Variants in ASIC2 observed in about 807,000 individuals in gnomAD.
The protein encoded by ASIC2 is acid sensing ion channel subunit 2.
Under a neutral mutation model 57.3 loss-of-function variants are expected in ASIC2, and 25 were observed. That is an observed-to-expected ratio of 0.44 (90% CI 0.32 to 0.61). The LOEUF is 0.61. Ranked by LOEUF, ASIC2 falls within the 20% of genes least tolerant of loss-of-function variation. The probability of loss-of-function intolerance (pLI) is 0.06; values close to 1 mark genes in which losing one functional copy is unlikely to be tolerated. For missense variants in ASIC2, 641 were observed against 738.1 expected, an observed-to-expected ratio of 0.87 and a Z score of 1.52; for synonymous variants, 319 against 307.5, an observed-to-expected ratio of 1.04 and a Z score of -0.39.
chr17:33,176,693 TG>T (rs1356327788), intron 1 of ASIC2, among the ~76,000 whole-genome samples: 1 of 152,244 alleles, frequency 6.6e-6, no homozygotes, highest in Non-Finnish European at 1.5e-5. Flanking sequence ...CATTTGATTT[TG>T]ATGACAATTC....
intron 1 of ASIC2, among the ~76,000 whole-genome samples, chr17:33,944,814 C>T (rs986964215): frequency 2.0e-5 from 3 of 152,178 alleles, no homozygotes; most frequent in Non-Finnish European, 2.9e-5. Flanking sequence ...GGCCATGATC[C>T]GTGCCTCCAG....
chr17:33,192,000 C>A (rs1416324843), intron 1 of ASIC2, among the ~76,000 whole-genome samples: 1 of 152,134 alleles, frequency 6.6e-6, no homozygotes, highest in Admixed American at 6.5e-5. Context: ...GAAAACAGAT[C>A]TTTCTGTTTT....
chr17:33,586,801 A>C (rs1904652444), intron 1 of ASIC2, among the ~76,000 whole-genome samples: 1 of 152,150 alleles, frequency 6.6e-6, no homozygotes, highest in Non-Finnish European at 1.5e-5. Flanking sequence ...CCATCACATC[A>C]TGCTACTTAC....
At chr17:33,799,448 TTC>T (rs879537015) in intron 1 of ASIC2, among the ~76,000 whole-genome samples, 31 of 95,316 alleles carry the variant, frequency 3.3e-4, no homozygotes, top group Non-Finnish European at 5.5e-4. Context: ...CTTTCTTTCT[TTC>T]TTTCTTTCTT....
intron 1 of ASIC2, among the ~76,000 whole-genome samples, chr17:33,200,446 G>A (rs1171419745): frequency 6.6e-6 from 1 of 152,150 alleles, no homozygotes; most frequent in Non-Finnish European, 1.5e-5. Flanking sequence ...ATCTCACTCG[G>A]ATGTTCAAGC....
Position 33,013,985 on chromosome 17 carries a change from A to G in ASIC2, c.1672T>C (p.Leu558=), listed in dbSNP as rs1036617415. The part of the protein sequence containing the change: ...NVPLQTTLGT[L]EEIAC ...GGGTGTCAGCAGGCAATCTCCTCCA[A>G]GGTCCCCAGGGTCGTCTGCAGGGGC... Residue 558 remains leucine, a synonymous_variant, in exon 10 of 10, where the codon TTG becomes CTG. Coordinates refer to ENST00000225823, the MANE Select transcript of ASIC2 (RefSeq NM_183377.2). 41 of 1,598,358 alleles carry G rather than the reference A, an allele frequency of 2.6e-5. No homozygotes were observed. The highest frequency in any genetic ancestry group is 3.5e-5 in the Non-Finnish European group (41 of 1,172,028).
chr17:33,227,787 G>T (rs1333702349), intron 1 of ASIC2, among the ~76,000 whole-genome samples: 1 of 152,202 alleles, frequency 6.6e-6, no homozygotes, highest in Non-Finnish European at 1.5e-5. Flanking sequence ...AAAGGTGTTA[G>T]ACAATTTGCT....
At chr17:33,181,517 T>C (rs1905982862) in intron 1 of ASIC2, among the ~76,000 whole-genome samples, 1 of 151,622 alleles carries the variant, frequency 6.6e-6, no homozygotes, top group African/African-American at 2.4e-5. Flanking sequence ...CTAGGGAGAG[T>C]CCATCTTTAC....
At chr17:33,314,959 A>G (rs1906583298) in intron 1 of ASIC2, among the ~76,000 whole-genome samples, 1 of 152,146 alleles carries the variant, frequency 6.6e-6, no homozygotes, top group Admixed American at 6.6e-5. Flanking sequence ...TTTCAAAGGG[A>G]TTAAGGAAAT....
At chr17:33,652,539 A>G (rs1307464806) in intron 1 of ASIC2, among the ~76,000 whole-genome samples, 1 of 152,228 alleles carries the variant, frequency 6.6e-6, no homozygotes, top group Non-Finnish European at 1.5e-5. Context: ...TTTCCTGCAT[A>G]AAGTCACACG....
chr17:33,874,539 G>C (rs1302942942), intron 1 of ASIC2, among the ~76,000 whole-genome samples: 2 of 152,218 alleles, frequency 1.3e-5, no homozygotes, highest in African/African-American at 4.8e-5. Flanking sequence ...TCGAGCCCCA[G>C]TTCTGATAAT....
At chr17:33,579,601 C>G (rs188840684) in intron 1 of ASIC2, among the ~76,000 whole-genome samples, 1 of 151,764 alleles carries the variant, frequency 6.6e-6, no homozygotes, top group Non-Finnish European at 1.5e-5. Context: ...GATGGTGTGT[C>G]GGGAGTTTGT....
chr17:33,384,662 G>A (rs879664019), intron 1 of ASIC2, among the ~76,000 whole-genome samples: 17 of 152,196 alleles, frequency 1.1e-4, no homozygotes, highest in Admixed American at 1.1e-3. Context: ...GCGGATTATT[G>A]ACCTTGGAAG....
At chr17:33,149,678 T>C (rs2142027701) in intron 1 of ASIC2, among the ~76,000 whole-genome samples, 1 of 152,340 alleles carries the variant, frequency 6.6e-6, no homozygotes, top group South Asian at 2.1e-4. Context: ...CTCAGCAGCA[T>C]TTGACTTAAA....
intron 1 of ASIC2, among the ~76,000 whole-genome samples, chr17:33,817,840 G>T (rs569861738): frequency 6.6e-6 from 1 of 152,280 alleles, no homozygotes; most frequent in African/African-American, 2.4e-5. Context: ...GAAGCCTGGG[G>T]CTAGAGTTCT....
chr17:33,780,972 A>G (rs1430315926), intron 1 of ASIC2, among the ~76,000 whole-genome samples: 1 of 152,196 alleles, frequency 6.6e-6, no homozygotes, highest in Non-Finnish European at 1.5e-5. Flanking sequence ...ATGTGTGTGA[A>G]CAGCTTGGCA....
intron 1 of ASIC2, among the ~76,000 whole-genome samples, chr17:33,487,250 G>A (rs951954130): frequency 2.6e-5 from 4 of 152,072 alleles, no homozygotes; most frequent in African/African-American, 9.7e-5. Flanking sequence ...TGGGCATCCC[G>A]AGTCCTCCAG....
At chr17:33,564,665 C>T (rs1466528661) in intron 1 of ASIC2, among the ~76,000 whole-genome samples, 2 of 152,222 alleles carry the variant, frequency 1.3e-5, no homozygotes, top group East Asian at 3.9e-4. Context: ...TGGGAGCAAG[C>T]CCCCCAAAAT....
rs1907942452 is a variant in ASIC2, at chr17:34,037,679, G to A, written c.555+118299C>T. 3 of 1,614,030 alleles carry A rather than the reference G, an allele frequency of 1.9e-6. No homozygotes were observed. In the Admixed American group the frequency reaches 5.0e-5, roughly 27 times the overall value. On this transcript the variant is annotated intron_variant, in intron 1 of 9. Transcript: ENST00000359872. ...GGTTGATGCAATAGCAGCTCCAGCA[G>A]GGCTACTCGTAGAGACTGACTTTTG...
Sources: gnomAD v4.1 joint callset for allele counts (sites outside exome capture counted in the v4.1 genomes callset) on GRCh38, gnomAD v4.1.1 for gene constraint, MANE v1.5 for transcripts, NCBI Gene and HGNC (gene_info 2026-07-23, HGNC 2026-07-21) for gene names.